Variants in FUBP3 observed in about 807,000 individuals in gnomAD.
The protein encoded by FUBP3 is far upstream element binding protein 3.
A neutral mutation model predicts 85.6 loss-of-function variants in FUBP3; 28 were observed. The ratio of observed to expected loss-of-function variants is 0.33; its 90% CI spans 0.24 to 0.45. The LOEUF is 0.45. FUBP3 is among the 20% of genes least tolerant of loss of function. The pLI, the probability that FUBP3 is intolerant of heterozygous loss-of-function variation, is 1.00. For missense variants in FUBP3, 583 were observed against 755.1 expected (o/e 0.77, Z 2.67); for synonymous variants, 271 against 271.4 (o/e 1.00, Z 0.01).
chr9:130,631,087 C>T (rs947677297), intron 13 of FUBP3: 7 of 1,108,638 alleles, frequency 6.3e-6, no homozygotes, highest in African/African-American at 1.6e-5. Flanking sequence ...CCTCCCCCCA[C>T]GCTGCCCCGG....
intron 11 of FUBP3, among the ~76,000 whole-genome samples, chr9:130,626,093 T>C (rs1829960480): frequency 6.6e-6 from 1 of 152,208 alleles, no homozygotes; most frequent in Admixed American, 6.5e-5. Flanking sequence ...GGCTTCAGCC[T>C]TGGAGTTTGT....
chr9:130,624,395 T>C (rs1431290907), intron 11 of FUBP3, among the ~76,000 whole-genome samples: 3 of 152,260 alleles, frequency 2.0e-5, no homozygotes, highest in African/African-American at 7.2e-5. Context: ...AAATTACAAA[T>C]GTGTAGGCCC....
chr9:130,594,857 A>G (rs979449276), intron 1 of FUBP3, among the ~76,000 whole-genome samples: 8 of 145,558 alleles, frequency 5.5e-5, no homozygotes, highest in Non-Finnish European at 1.2e-4. Context: ...AAGTTCTTCA[A>G]TTGTTGGCTT....
At chr9:130,579,967 G>C (rs983007830) in intron 1 of FUBP3, among the ~76,000 whole-genome samples, 5 of 152,246 alleles carry the variant, frequency 3.3e-5, no homozygotes, top group African/African-American at 1.2e-4. Context: ...CTGTCGGGCG[G>C]GTCTCCCAGG....
rs142212531 is a variant in FUBP3, at chr9:130,630,547, C to G, written c.1118-81C>G. ...CGTGCACAAAATCCCCCCGAGTTGT[C>G]TTCTGGAGCCAAGTGCCCCAGAGCC... On this transcript the variant is annotated intron_variant, in intron 12 of 18. Coordinates refer to ENST00000319725, the MANE Select transcript of FUBP3 (RefSeq NM_003934.2). 1.9e-5 allele frequency: 22 copies of G among 1,172,502 alleles called. No individual in the cohort carries two copies. The African/African-American group carries it at 3.4e-4, about 18-fold the overall frequency. 72.6% of individuals were successfully genotyped at this position (1,172,502 alleles called of 1,614,324 possible). A position where few individuals can be genotyped will look rare whatever the true frequency, so the allele number is the denominator to read the frequency against.
At chr9:130,596,421 A>G (rs1446044365) in intron 2 of FUBP3, among the ~76,000 whole-genome samples, 2 of 152,196 alleles carry the variant, frequency 1.3e-5, no homozygotes, top group Non-Finnish European at 2.9e-5. Context: ...AGTATGTATT[A>G]TATAATCTTT....
intron 1 of FUBP3, among the ~76,000 whole-genome samples, chr9:130,594,353 CA>C (rs1407576148): frequency 6.6e-6 from 1 of 151,938 alleles, no homozygotes; most frequent in Non-Finnish European, 1.5e-5. Flanking sequence ...GAGGCCGAGG[CA>C]GGCAGATCAC....
At chr9:130,591,762 C>G (rs998154320) in intron 1 of FUBP3, among the ~76,000 whole-genome samples, 1 of 152,128 alleles carries the variant, frequency 6.6e-6, no homozygotes, top group Non-Finnish European at 1.5e-5. Context: ...AAGAAGAAAC[C>G]TGAAAGGCTC....
At chr9:130,588,041 G>T (rs141781650) in intron 1 of FUBP3, among the ~76,000 whole-genome samples, 22 of 152,114 alleles carry the variant, frequency 1.4e-4, no homozygotes, top group Non-Finnish European at 3.1e-4. Context: ...ATCAGCCGGG[G>T]CCCCATCTCT....
chr9:130,631,159 A>G, intron 13 of FUBP3: 1 of 1,144,260 alleles, frequency 8.7e-7, no homozygotes, highest in Non-Finnish European at 1.1e-6. Flanking sequence ...CTCTGGCTTT[A>G]GTTTCAGGCA....
chr9:130,636,913 T>C (rs1320868955), intron 18 of FUBP3, 101 bp from the exon 19 acceptor site: 9 of 982,386 alleles, frequency 9.2e-6, no homozygotes, highest in African/African-American at 6.4e-5. Context: ...AGAGGTTTTG[T>C]CTGGCCCAGC....
At chr9:130,596,654 G>T (rs1434187369) in intron 2 of FUBP3, 2 of 446,408 alleles carry the variant, frequency 4.5e-6, no homozygotes, top group Non-Finnish European at 9.2e-6. Context: ...GAGCCACCAT[G>T]CCTCCTAGTA....
At chr9:130,590,021 A>ATTTTTTTTTTTT (rs60878897) in intron 1 of FUBP3, among the ~76,000 whole-genome samples, 1 of 45,970 alleles carries the variant, frequency 2.2e-5, no homozygotes, top group Non-Finnish European at 3.5e-5. Flanking sequence ...GGCCTATTTA[A>ATTTTTTTTTTTT]TTTTTTTTTT....
At chr9:130,607,360 TCA>T (rs1831512943) in intron 2 of FUBP3, among the ~76,000 whole-genome samples, 1 of 151,760 alleles carries the variant, frequency 6.6e-6, no homozygotes, top group South Asian at 2.1e-4. Context: ...GTAGGATGAC[TCA>T]CAGCCCAGGC....
rs893404657 is a variant in FUBP3, at chr9:130,591,015, G to GT, written c.85-4458dup. ...TTTATTTTTGTTTTTGTTTGTTTTT[G>GT]TTTTTTTTTTGGTAAACTGAAAGCA... On this transcript the variant is annotated intron_variant, in intron 1 of 18. Transcript: ENST00000319725. Among the ~76,000 whole-genome samples, 59 of 34,886 alleles carry GT rather than the reference G, an allele frequency of 1.7e-3. 1 individual carries two copies. Among genetic ancestry groups the GT allele is most frequent in the South Asian group, 5.3e-3 (4 of 760 alleles). The allele number at this position is 34,886 out of a possible 152,430, so 22.9% of individuals were successfully genotyped here.
chr9:130,636,357 C>G lies in FUBP3; in HGVS notation c.1710+231C>G, dbSNP rs557268922. The G allele has an allele frequency of 3.8e-4, 241 of 632,512 alleles. 8 individuals are homozygous for G. In the South Asian group the frequency reaches 4.2e-3, roughly 11 times the overall value. The allele number at this position is 632,512 out of a possible 1,614,324, so 39.2% of individuals were successfully genotyped here. Reference sequence around the variant, plus strand: ...AAGTGGGAGGATTGGGGGCGCAGCCCCTACAAGGAAGTGCCTGAACTTTCC... The same window carrying G: ...AAGTGGGAGGATTGGGGGCGCAGCCGCTACAAGGAAGTGCCTGAACTTTCC... On this transcript the variant is annotated intron_variant, in intron 18 of 18. Transcript: ENST00000319725.
Position 130,626,582 on chromosome 9 carries a change from C to A in FUBP3, c.1117+77C>A, listed in dbSNP as rs1216664736. 16 of 1,467,892 alleles carry A rather than the reference C, an allele frequency of 1.1e-5. No individual in the cohort carries two copies. The Admixed American group carries it at 2.9e-4, about 26-fold the overall frequency. 90.9% of individuals were successfully genotyped at this position (1,467,892 alleles called of 1,614,324 possible). On this transcript the variant is annotated intron_variant, in intron 12 of 18. Transcript: ENST00000319725. Reference sequence around the variant, plus strand: ...AAGGCAGGTCACGGGACCTCCAGAACCTTTGGTGAGGTCCCTTTGCTGCTG... The same window carrying A: ...AAGGCAGGTCACGGGACCTCCAGAAACTTTGGTGAGGTCCCTTTGCTGCTG...
In FUBP3 at chr9:130,595,504, A is replaced by G. The variant is rs148816776; in HGVS notation, c.106A>G (p.Ile36Val). The G allele has an allele frequency of 8.0e-5, 126 of 1,565,610 alleles. No individual in the cohort carries two copies. The highest frequency in any genetic ancestry group is 1.1e-4 in the Non-Finnish European group (123 of 1,135,770). ...VRQIAAKIDS[I>V]PHLNNSTPLV... ...GTAGATTGCTGCTAAAATTGATTCA[A>G]TTCCTCACTTGAATAATTCCACACC... Residue 36 changes from isoleucine (I) to valine (V), a missense_variant, in exon 2 of 19, where the codon ATT becomes GTT. This residue lies in a region of FUBP3 where 177 missense variants were observed against 221.9 expected (regional missense o/e 0.80). Coordinates refer to ENST00000319725, the MANE Select transcript of FUBP3 (RefSeq NM_003934.2).
chr9:130,579,688 A>C lies in FUBP3; in HGVS notation c.8A>C (p.Glu3Ala). The change falls in exon 1 of 19, where the codon GAG (glutamate) becomes GCG (alanine). Residue 3 changes from glutamate to alanine, a missense_variant. Glu to Ala is a moderately radical substitution (Grantham distance 107). Around this residue, in one of 3 missense-constraint regions of FUBP3, gnomAD observed 177 missense variants for 221.9 expected, o/e 0.80. Transcript: ENST00000319725. Reference sequence around the variant, plus strand: ...ACGGCGGCGGGGGCGGTAATGGCGGAGCTGGTGCAGGGGCAGAGCGCTCCT... The same window carrying C: ...ACGGCGGCGGGGGCGGTAATGGCGGCGCTGGTGCAGGGGCAGAGCGCTCCT... The part of the protein sequence containing the change: MA[E>A]LVQGQSAPVG... 1 of 1,256,830 alleles carries C rather than the reference A, an allele frequency of 8.0e-7. No individual in the cohort carries two copies. 77.9% of individuals were successfully genotyped at this position (1,256,830 alleles called of 1,614,324 possible).
Sources: allele counts gnomAD v4.1 joint callset (sites outside exome capture counted in the v4.1 genomes callset), GRCh38; gene constraint gnomAD v4.1.1; regional missense constraint gnomAD v4.1.1; transcripts MANE v1.5; gene names NCBI Gene and HGNC (gene_info 2026-07-23, HGNC 2026-07-21).